WDR64: variants seen among roughly 807,000 people sequenced by gnomAD.
WDR64 encodes WD repeat-containing protein 64.
Under a neutral mutation model 139.3 loss-of-function variants are expected in WDR64, and 112 were observed. The ratio of observed to expected loss-of-function variants is 0.80; its 90% CI spans 0.69 to 0.94. WDR64 has a LOEUF of 0.94. Ranked by LOEUF, WDR64 falls within the 40% of genes least tolerant of loss-of-function variation. The pLI is 0.00. For missense variants in WDR64, 1,206 were observed against 1,293.1 expected (o/e 0.93, Z 1.03); for synonymous variants, 444 against 437.7 (o/e 1.01, Z -0.18).
Position 241,656,645 on chromosome 1 carries a change from T to C in WDR64, c.146-3885T>C, listed in dbSNP as rs1447056310. ...TTGCTGAGTTTTGAAACTGGAAACC[T>C]GAGTGTCATTCTAGAACCAGGTATC... On this transcript the variant is annotated intron_variant, in intron 1 of 27. Transcript: ENST00000437684. The surrounding 1 kb of genome is among the most constrained non-coding windows in gnomAD (Gnocchi z 4.3). Among the ~76,000 whole-genome samples the C allele has an allele frequency of 6.6e-6, 1 of 152,176 alleles. No homozygotes were observed. Among genetic ancestry groups the C allele is most frequent in the Admixed American group, 6.5e-5 (1 of 15,272 alleles).
intron 3 of WDR64, among the ~76,000 whole-genome samples, chr1:241,674,240 GT>G: frequency 7.6e-6 from 1 of 131,220 alleles, no homozygotes; most frequent in African/African-American, 2.7e-5. Flanking sequence ...AAAGCTGGCT[GT>G]TTATCTTTTT....
At chr1:241,724,914 A>G (rs1668741918) in intron 10 of WDR64, among the ~76,000 whole-genome samples, 1 of 152,140 alleles carries the variant, frequency 6.6e-6, no homozygotes, top group Non-Finnish European at 1.5e-5. Flanking sequence ...GGAAAATGAC[A>G]TCTAAATCAC....
At chr1:241,720,746 G>A (rs758350772) in intron 9 of WDR64, among the ~76,000 whole-genome samples, 1 of 152,110 alleles carries the variant, frequency 6.6e-6, no homozygotes, top group African/African-American at 2.4e-5. Flanking sequence ...CCATTCTGTA[G>A]GTTGTCTGTC....
intron 15 of WDR64, among the ~76,000 whole-genome samples, chr1:241,761,805 C>A (rs1217607677): frequency 6.6e-6 from 1 of 152,160 alleles, no homozygotes; most frequent in Non-Finnish European, 1.5e-5. Flanking sequence ...AAACAACTTT[C>A]TTTGCTCATC....
intron 15 of WDR64, 60 bp downstream of exon 15, chr1:241,757,519 C>T: frequency 6.8e-7 from 1 of 1,473,988 alleles, no homozygotes; most frequent in Non-Finnish European, 9.2e-7. Context: ...AATTTACAAA[C>T]ATATATAAAG....
At chr1:241,652,806 A>G (rs1349148261) in intron 1 of WDR64, among the ~76,000 whole-genome samples, 177 bp downstream of exon 1, 1 of 152,152 alleles carries the variant, frequency 6.6e-6, no homozygotes, top group African/African-American at 2.4e-5. Flanking sequence ...GACATGAGGA[A>G]GCTTTTGTTT....
chr1:241,761,195 T>G (rs985498344), intron 15 of WDR64, among the ~76,000 whole-genome samples: 4 of 152,050 alleles, frequency 2.6e-5, no homozygotes, highest in Non-Finnish European at 5.9e-5. Context: ...CTTGAACAAG[T>G]GAGAGCAAAA....
At chr1:241,672,975 C>T (rs1455366368) in intron 3 of WDR64, among the ~76,000 whole-genome samples, 2 of 152,108 alleles carry the variant, frequency 1.3e-5, no homozygotes, top group African/African-American at 2.4e-5. Flanking sequence ...CCTGAGTTAT[C>T]CTTTATATTC....
chr1:241,656,882 G>GTA lies in WDR64; in HGVS notation c.146-3647_146-3646insAT, dbSNP rs150831442. On this transcript the variant is annotated intron_variant, in intron 1 of 27. Coordinates refer to ENST00000437684, the MANE Select transcript of WDR64 (RefSeq NM_001367482.1). The surrounding 1 kb of genome is among the most constrained non-coding windows in gnomAD (Gnocchi z 4.3). ...TCTTTGCCAAATGTTGTGTGTGTGTGTGTGTGTGTGTGTGTGTGTGTGTGT... is the reference window on the plus strand; with the variant it reads ...TCTTTGCCAAATGTTGTGTGTGTGTGTATGTGTGTGTGTGTGTGTGTGTGTGT... Among the ~76,000 whole-genome samples the GTA allele has an allele frequency of 0.15, 22,133 of 148,372 alleles. 2,100 individuals carry two copies. Among genetic ancestry groups the GTA allele is most frequent in the East Asian group, 0.36 (1,813 of 4,984 alleles).
At chr1:241,655,654 C>T (rs1665560894) in intron 1 of WDR64, among the ~76,000 whole-genome samples, 1 of 151,814 alleles carries the variant, frequency 6.6e-6, no homozygotes, top group African/African-American at 2.4e-5. Context: ...CTCTTAATGA[C>T]TCTGATTTTG....
intron 6 of WDR64, among the ~76,000 whole-genome samples, chr1:241,681,266 C>A (rs1214692391): frequency 6.6e-6 from 1 of 152,104 alleles, no homozygotes; most frequent in Non-Finnish European, 1.5e-5. Flanking sequence ...TTATCCCTTA[C>A]CCCCTTCCCA....
chr1:241,708,692 G>GTTTTT (rs766069628), intron 8 of WDR64, among the ~76,000 whole-genome samples: 3,356 of 59,402 alleles, frequency 0.056, 406 homozygotes, highest in Non-Finnish European at 0.075. Flanking sequence ...GAGGTCCATG[G>GTTTTT]TTTTTTTTTT....
chr1:241,793,562 A>T (rs1659268569), intron 25 of WDR64, among the ~76,000 whole-genome samples: 1 of 152,224 alleles, frequency 6.6e-6, no homozygotes, highest in Non-Finnish European at 1.5e-5. Context: ...TTAATCTTCA[A>T]TTCTTTTCAA....
chr1:241,780,787 T>C (rs1658817298), intron 22 of WDR64, among the ~76,000 whole-genome samples: 1 of 152,214 alleles, frequency 6.6e-6, no homozygotes, highest in African/African-American at 2.4e-5. Context: ...TTAGTTTGAC[T>C]ATCTCCACCT....
At position 241,703,244 on chromosome 1, in the gene WDR64, A is replaced by T. The variant is rs1667797566; in HGVS notation, c.975-8558A>T. Among the ~76,000 whole-genome samples the T allele has an allele frequency of 6.6e-6, 1 of 152,030 alleles. No homozygotes were observed. The highest frequency in any genetic ancestry group is 1.5e-5 in the Non-Finnish European group (1 of 68,008). Reference sequence around the variant, plus strand: ...TTAGCAATCACACAGTTCCCCTGGGATGCTTCCCGTCTGCAGCATTGCCTT... The same window carrying T: ...TTAGCAATCACACAGTTCCCCTGGGTTGCTTCCCGTCTGCAGCATTGCCTT... On this transcript the variant is annotated intron_variant, in intron 8 of 27. Coordinates refer to ENST00000437684, the MANE Select transcript of WDR64 (RefSeq NM_001367482.1). This position sits in a 1 kb window ranked among gnomAD's most constrained non-coding sequence, Gnocchi z 5.9.
chr1:241,731,771 C>A (rs1025046504), intron 10 of WDR64, among the ~76,000 whole-genome samples: 9 of 152,108 alleles, frequency 5.9e-5, no homozygotes, highest in Non-Finnish European at 1.0e-4. Flanking sequence ...CCAGTTATCA[C>A]ACAGGAAAAA....
Position 241,775,173 on chromosome 1 carries a change from T to C in WDR64, c.2499T>C (p.Thr833=), listed in dbSNP as rs1297144380. The change falls in exon 21 of 28, where the codon ACT becomes ACC. Residue 833 remains threonine, a synonymous_variant. Coordinates refer to ENST00000437684, the MANE Select transcript of WDR64 (RefSeq NM_001367482.1). ...CCATTTCTCTGACATCGCTGTATAC[T>C]GATTCATGTACGAGGATACTACTGG... ...HSAISLTSLY[T]DSCTRILLAG... is the part of the protein sequence containing the mutation. The C allele has an allele frequency of 6.4e-7, 1 of 1,550,924 alleles. No homozygotes were observed. The highest frequency in any genetic ancestry group is 1.2e-5 in the South Asian group (1 of 83,994).
At chr1:241,728,320 G>A (rs142380922) in intron 10 of WDR64, among the ~76,000 whole-genome samples, 2,967 of 149,830 alleles carry the variant, frequency 0.02, 101 homozygotes, top group African/African-American at 0.069. Flanking sequence ...GCAATAGAGC[G>A]AGACTCAGTC....
At chr1:241,715,222 C>G (rs1359903962) in intron 9 of WDR64, among the ~76,000 whole-genome samples, 1 of 152,176 alleles carries the variant, frequency 6.6e-6, no homozygotes, top group East Asian at 1.9e-4. Context: ...ATCCAAGTCT[C>G]TCAACCAAAC....
Sources: gnomAD v4.1 joint callset for allele counts (sites outside exome capture counted in the v4.1 genomes callset) on GRCh38, gnomAD v4.1.1 for gene constraint, Gnocchi (gnomAD v3.1) non-coding constraint, MANE v1.5 for transcripts, NCBI Gene and HGNC (gene_info 2026-07-23, HGNC 2026-07-21) for gene names.